The following CSMD1 variants were observed in gnomAD, a reference collection of about 807,000 sequenced individuals.
The protein encoded by CSMD1 is CUB and sushi domain-containing protein 1.
A neutral mutation model predicts 417.5 loss-of-function variants in CSMD1; 213 were observed. The observed-to-expected ratio is 0.51, with a 90% CI of 0.46 to 0.57. CSMD1 has a LOEUF of 0.57. Ranked by LOEUF, CSMD1 falls within the 20% of genes least tolerant of loss-of-function variation. The pLI is 0.00. For missense variants in CSMD1, 6,923 were observed against 4,529.7 expected, an observed-to-expected ratio of 1.53 and a Z score of -15.17; for synonymous variants, 2,862 against 1,736.8, an observed-to-expected ratio of 1.65 and a Z score of -16.11.
chr8:3,358,643 G>C (rs939450653), intron 21 of CSMD1, among the ~76,000 whole-genome samples: 1 of 152,162 alleles, frequency 6.6e-6, no homozygotes, highest in Non-Finnish European at 1.5e-5. Context: ...CACTGAAAAA[G>C]TGAATTCAGC....
intron 12 of CSMD1, among the ~76,000 whole-genome samples, chr8:3,421,514 A>C (rs1813487251): frequency 6.6e-6 from 1 of 152,230 alleles, no homozygotes; most frequent in African/African-American, 2.4e-5. Context: ...CTCACTATGA[A>C]AATAACAATT....
intron 1 of CSMD1, among the ~76,000 whole-genome samples, chr8:4,649,621 G>C (rs999046860): frequency 1.3e-5 from 2 of 152,030 alleles, no homozygotes; most frequent in African/African-American, 4.8e-5. Flanking sequence ...AAAAGCAAAG[G>C]CCAATTTTTT....
intron 46 of CSMD1, among the ~76,000 whole-genome samples, chr8:3,101,796 TTTC>T (rs1160680112): frequency 8.0e-6 from 1 of 125,718 alleles, no homozygotes; most frequent in African/African-American, 2.8e-5. Flanking sequence ...TTTCTTTCTT[TTTC>T]TTTTTTTTTT....
chr8:4,088,417 C>T (rs1281333716), intron 3 of CSMD1, among the ~76,000 whole-genome samples: 2 of 152,202 alleles, frequency 1.3e-5, no homozygotes, highest in African/African-American at 2.4e-5. Flanking sequence ...CAGGTTTCCT[C>T]TCCAAACTCA....
At chr8:3,924,201 G>T (rs1467203333) in intron 5 of CSMD1, among the ~76,000 whole-genome samples, 1 of 152,094 alleles carries the variant, frequency 6.6e-6, no homozygotes. Flanking sequence ...CATAACTTTG[G>T]ATATATCGAT....
At chr8:4,920,553 G>C (rs1437790264) in intron 1 of CSMD1, among the ~76,000 whole-genome samples, 1 of 152,136 alleles carries the variant, frequency 6.6e-6, no homozygotes, top group East Asian at 1.9e-4. Flanking sequence ...CAGGCACAGT[G>C]GCTCATGCCT....
chr8:3,927,461 T>C (rs1365465230), intron 5 of CSMD1, among the ~76,000 whole-genome samples: 2 of 151,918 alleles, frequency 1.3e-5, no homozygotes, highest in Admixed American at 6.6e-5. Flanking sequence ...GGTCAGGAGT[T>C]TGGGACCACC....
intron 2 of CSMD1, among the ~76,000 whole-genome samples, chr8:4,596,364 G>A (rs1214361455): frequency 1.3e-5 from 2 of 152,270 alleles, no homozygotes; most frequent in African/African-American, 4.8e-5. Flanking sequence ...GTCTCAGGGA[G>A]ACTTTCTGGA....
chr8:2,944,631 A>C (rs113654707), intron 68 of CSMD1, among the ~76,000 whole-genome samples: 8 of 151,890 alleles, frequency 5.3e-5, no homozygotes, highest in African/African-American at 1.7e-4. Context: ...TTTCCTCTTG[A>C]CTCCTCAGAA....
At chr8:3,226,840 C>G (rs1456920109) in intron 27 of CSMD1, among the ~76,000 whole-genome samples, 7 of 151,450 alleles carry the variant, frequency 4.6e-5, no homozygotes, top group Non-Finnish European at 1.0e-4. Flanking sequence ...AGAGAGAGAG[C>G]CAGTAATGAG....
At position 3,148,589 on chromosome 8, in the gene CSMD1, C is replaced by T. The variant is rs112226648; in HGVS notation, c.6031+2808G>A. 5.7e-3 allele frequency among the ~76,000 whole-genome samples: 870 copies of T among 152,242 alleles called. 3 individuals carry two copies. The highest frequency in any genetic ancestry group is 0.054 in the Middle Eastern group (16 of 294). On this transcript the variant is annotated intron_variant, in intron 40 of 69. Coordinates refer to ENST00000635120, the MANE Select transcript of CSMD1 (RefSeq NM_033225.6). ...GTAGTGGATATTACAAGGGAGAAGA[C>T]GCAGAAATTAAAGAAGGCCATGAAT...
intron 23 of CSMD1, among the ~76,000 whole-genome samples, chr8:3,327,852 T>C (rs1481578979): frequency 6.6e-6 from 1 of 152,226 alleles, no homozygotes; most frequent in African/African-American, 2.4e-5. Flanking sequence ...CACCTGCATA[T>C]GCCCTGTGTC....
chr8:4,905,389 A>T, intron 1 of CSMD1, among the ~76,000 whole-genome samples: 1 of 152,104 alleles, frequency 6.6e-6, no homozygotes, highest in East Asian at 1.9e-4. Context: ...ATATATATTT[A>T]CACAGTGTAT....
intron 23 of CSMD1, among the ~76,000 whole-genome samples, chr8:3,329,740 G>C (rs900864143): frequency 5.9e-5 from 9 of 152,154 alleles, no homozygotes; most frequent in African/African-American, 2.2e-4. Context: ...AAGAGTGTGA[G>C]CAGAGGCCAT....
At chr8:3,773,366 C>T (rs917635405) in intron 5 of CSMD1, among the ~76,000 whole-genome samples, 1 of 152,114 alleles carries the variant, frequency 6.6e-6, no homozygotes, top group African/African-American at 2.4e-5. Context: ...TCACTGTAGC[C>T]TCGACTACAG....
chr8:4,525,957 G>C (rs757602851), intron 2 of CSMD1, among the ~76,000 whole-genome samples: 6 of 152,138 alleles, frequency 3.9e-5, no homozygotes, highest in Non-Finnish European at 8.8e-5. Context: ...ATAGATCTGG[G>C]TCCTGAACGC....
chr8:4,162,025 C>T (rs1036092129), intron 3 of CSMD1, among the ~76,000 whole-genome samples: 6 of 152,284 alleles, frequency 3.9e-5, no homozygotes, highest in Admixed American at 2.0e-4. Context: ...TTGCCTTCGA[C>T]TTTGCTAAAC....
intron 2 of CSMD1, among the ~76,000 whole-genome samples, chr8:4,424,875 T>G (rs947077386): frequency 2.4e-4 from 36 of 152,216 alleles, no homozygotes; most frequent in African/African-American, 7.9e-4. Flanking sequence ...ATAATTTCTT[T>G]TAACTACATG....
chr8:4,158,651 G>T (rs1016957299), intron 3 of CSMD1, among the ~76,000 whole-genome samples: 1 of 152,124 alleles, frequency 6.6e-6, no homozygotes, highest in South Asian at 2.1e-4. Context: ...GGTGGTAGTG[G>T]AAGATCAACG....
Sources: allele counts gnomAD v4.1 joint callset (sites outside exome capture counted in the v4.1 genomes callset), GRCh38; gene constraint gnomAD v4.1.1; transcripts MANE v1.5; gene names NCBI Gene and HGNC (gene_info 2026-07-23, HGNC 2026-07-21).